The following SPMIP4 variants were observed in gnomAD, a reference collection of about 807,000 sequenced individuals.
The protein encoded by SPMIP4 is sperm-associated microtubule inner protein 4.
the SPMIP4 span, chr7:25,142,607 C>G: frequency 1.9e-6 from 3 of 1,556,510 alleles, no homozygotes; most frequent in East Asian, 6.8e-5. Flanking sequence ...CAATTTTGTT[C>G]TAATTTTTAC....
At chr7:25,151,603 T>C in the SPMIP4 span, 4 of 1,590,140 alleles carry the variant, frequency 2.5e-6, no homozygotes, top group Non-Finnish European at 3.5e-6. Flanking sequence ...TACATCATAA[T>C]ATACACCTTG....
At chr7:25,144,960 G>GCT in the SPMIP4 span, among the ~76,000 whole-genome samples, 1 of 145,712 alleles carries the variant, frequency 6.9e-6, no homozygotes, top group Non-Finnish European at 1.5e-5. Flanking sequence ...AAGAAGGACT[G>GCT]TTTTTTTTTT....
At chr7:25,128,764 A>C in the SPMIP4 span, among the ~76,000 whole-genome samples, 1 of 152,128 alleles carries the variant, frequency 6.6e-6, no homozygotes, top group African/African-American at 2.4e-5. The surrounding 1 kb of genome is among the most constrained non-coding windows in gnomAD (Gnocchi z 4.5). Context: ...CTCAAATAGG[A>C]GTCTCTCCCC....
the SPMIP4 span, among the ~76,000 whole-genome samples, chr7:25,149,899 A>T: frequency 6.6e-6 from 1 of 152,232 alleles, no homozygotes; most frequent in Non-Finnish European, 1.5e-5. Context: ...TCACTCACAC[A>T]GTAAATGGCA....
the SPMIP4 span, among the ~76,000 whole-genome samples, chr7:25,171,084 C>G: frequency 1.3e-5 from 2 of 152,174 alleles, no homozygotes; most frequent in African/African-American, 4.8e-5. Context: ...CTTGTGCATG[C>G]TAAAGTTTTA....
chr7:25,160,196 A>G, the SPMIP4 span, among the ~76,000 whole-genome samples: 1 of 74,286 alleles, frequency 1.3e-5, no homozygotes, highest in African/African-American at 2.9e-5. Context: ...GGCGCCATCT[A>G]GTGGCTAACT....
the SPMIP4 span, chr7:25,142,789 T>C: frequency 6.4e-7 from 1 of 1,556,560 alleles, no homozygotes; most frequent in East Asian, 2.3e-5. Flanking sequence ...GAATACTGGC[T>C]TATTTTTCTC....
chr7:25,149,079 T>G, the SPMIP4 span, among the ~76,000 whole-genome samples: 8 of 152,050 alleles, frequency 5.3e-5, no homozygotes, highest in African/African-American at 1.9e-4. Context: ...GGCACAAGAG[T>G]AGGTTACAGT....
At chr7:25,179,619 A>G in the SPMIP4 span, 1 of 244,096 alleles carries the variant, frequency 4.1e-6, no homozygotes, top group African/African-American at 2.2e-5. Flanking sequence ...CTGACATTCA[A>G]TTCCTGCCTT....
At chr7:25,161,425 C>T in the SPMIP4 span, among the ~76,000 whole-genome samples, 1 of 151,760 alleles carries the variant, frequency 6.6e-6, no homozygotes, top group South Asian at 2.1e-4. Context: ...TAAATAGAGA[C>T]GAGGTCTTGC....
At chr7:25,145,718 CTATA>C in the SPMIP4 span, among the ~76,000 whole-genome samples, 5 of 152,158 alleles carry the variant, frequency 3.3e-5, no homozygotes, top group African/African-American at 1.2e-4. Flanking sequence ...AGGAATAGTA[CTATA>C]TAAATGGTGG....
the SPMIP4 span, among the ~76,000 whole-genome samples, chr7:25,138,312 A>T: frequency 6.6e-6 from 1 of 152,256 alleles, no homozygotes; most frequent in Non-Finnish European, 1.5e-5. The surrounding 1 kb of genome is among the most constrained non-coding windows in gnomAD (Gnocchi z 6.2). Flanking sequence ...GGACCATGTG[A>T]TCATCATTGT....
chr7:25,136,364 AGTG>A, the SPMIP4 span: 5 of 1,614,206 alleles, frequency 3.1e-6, no homozygotes, highest in Non-Finnish European at 4.2e-6. The surrounding 1 kb of genome is among the most constrained non-coding windows in gnomAD (Gnocchi z 5.7). Flanking sequence ...TAGTGAATCC[AGTG>A]GTCTGGTTTA....
At chr7:25,135,764 A>G in the SPMIP4 span, 14 of 1,248,950 alleles carry the variant, frequency 1.1e-5, no homozygotes, top group Non-Finnish European at 1.3e-5. Context: ...TTTTATTGCC[A>G]AATTGTTAAA....
At chr7:25,127,966 G>A in the SPMIP4 span, among the ~76,000 whole-genome samples, 2 of 152,210 alleles carry the variant, frequency 1.3e-5, no homozygotes, top group African/African-American at 4.8e-5. Context: ...ACTTGTAGGG[G>A]TATGACATTT....
At chr7:25,135,258 T>C in the SPMIP4 span, 1 of 920,184 alleles carries the variant, frequency 1.1e-6, no homozygotes, top group Non-Finnish European at 1.3e-6. Flanking sequence ...AGGCCATTGC[T>C]AGATCTTCAG....
the SPMIP4 span, among the ~76,000 whole-genome samples, chr7:25,141,837 G>A: frequency 2.0e-3 from 301 of 152,052 alleles, no homozygotes; most frequent in Middle Eastern, 0.017. Flanking sequence ...TCCTGGGTTC[G>A]AGCGATTCTT....
the SPMIP4 span, chr7:25,151,687 G>A: frequency 9.6e-6 from 15 of 1,556,756 alleles, no homozygotes; most frequent in Non-Finnish European, 1.2e-5. Flanking sequence ...AGGATTACCT[G>A]AAAATTTCAG....
the SPMIP4 span, among the ~76,000 whole-genome samples, chr7:25,141,745 CTCTT>C: frequency 1.3e-5 from 2 of 151,982 alleles, no homozygotes; most frequent in African/African-American, 4.8e-5. Flanking sequence ...GAAAAGAAAT[CTCTT>C]TTTTTTGAGA....
Sources: gnomAD v4.1 joint callset for allele counts (sites outside exome capture counted in the v4.1 genomes callset) on GRCh38, gnomAD v4.1.1 for gene constraint, Gnocchi (gnomAD v3.1) non-coding constraint, MANE v1.5 for transcripts, NCBI Gene and HGNC (gene_info 2026-07-23, HGNC 2026-07-21) for gene names.